The following SLC38A10 variants were observed in gnomAD, a reference collection of about 807,000 sequenced individuals.
SLC38A10 encodes the protein solute carrier family 38 member 10.
Under a neutral mutation model 81.0 loss-of-function variants are expected in SLC38A10, and 53 were observed. That is an observed-to-expected ratio of 0.65 (90% CI 0.53 to 0.82). The LOEUF is 0.82. SLC38A10 is among the 40% of genes least tolerant of loss of function. The pLI, the probability that SLC38A10 is intolerant of heterozygous loss-of-function variation, is 0.00. For synonymous variants in SLC38A10, 665 were observed against 655.3 expected (o/e 1.01, Z -0.23); for missense variants, 1,471 against 1,545.0 (o/e 0.95, Z 0.80).
chr17:81,271,045 G>A (rs772332550), intron 9 of SLC38A10, 21 bp from the exon 10 acceptor site: 5 of 1,594,336 alleles, frequency 3.1e-6, no homozygotes, highest in Non-Finnish European at 4.3e-6. Flanking sequence ...GAAGTGACAG[G>A]AAGGGATGAG....
At chr17:81,284,973 T>C in intron 2 of SLC38A10, 78 bp from the exon 3 acceptor site, 2 of 1,362,010 alleles carry the variant, frequency 1.5e-6, no homozygotes, top group Non-Finnish European at 2.0e-6. Context: ...AGCCAAGCTG[T>C]CAAGGGCGAT....
chr17:81,269,158 A>C (rs902086366), intron 10 of SLC38A10, among the ~76,000 whole-genome samples: 2 of 152,224 alleles, frequency 1.3e-5, no homozygotes, highest in African/African-American at 4.8e-5. Context: ...AAAATAAACA[A>C]ATCTGCAGTT....
Position 81,277,223 on chromosome 17 carries a change from G to T in SLC38A10, c.627-90C>A. 1.8e-6 allele frequency: 2 copies of T among 1,118,262 alleles called. No homozygotes were observed. Among genetic ancestry groups the T allele is most frequent in the Non-Finnish European group, 1.3e-6 (1 of 750,090 alleles). The allele number at this position is 1,118,262 out of a possible 1,614,324, so 69.3% of individuals were successfully genotyped here. On this transcript the variant is annotated intron_variant, in intron 6 of 15. Transcript: ENST00000374759. The surrounding 1 kb of genome is among the most constrained non-coding windows in gnomAD (Gnocchi z 4.5). ...TTCTAGGACCTCTCTGCAGCCCAGT[G>T]AGAGTCTCTGACCTTCCTTCATGCA...
Position 81,289,600 on chromosome 17 carries a change from G to A in SLC38A10, c.217+91C>T. ...AAACCCTGCTATCCAAGGAATTCTTGAAGAATCAAGTAGAGTAAATAAATA... is the reference window on the plus strand; with the variant it reads ...AAACCCTGCTATCCAAGGAATTCTTAAAGAATCAAGTAGAGTAAATAAATA... On this transcript the variant is annotated intron_variant, in intron 2 of 15. Transcript: ENST00000374759. This position sits in a 1 kb window ranked among gnomAD's most constrained non-coding sequence, Gnocchi z 5.9. 2.3e-6 allele frequency: 2 copies of A among 865,548 alleles called. No individual in the cohort carries two copies. The highest frequency in any genetic ancestry group is 3.3e-6 in the Non-Finnish European group (2 of 614,738). The allele number at this position is 865,548 out of a possible 1,614,324, so 53.6% of individuals were successfully genotyped here.
chr17:81,272,996 C>T (rs950493042), intron 8 of SLC38A10, among the ~76,000 whole-genome samples: 9 of 152,190 alleles, frequency 5.9e-5, no homozygotes, highest in African/African-American at 2.4e-5. Context: ...TGCACAGCGC[C>T]GCTCCTGACA....
intron 5 of SLC38A10, 53 bp downstream of exon 5, chr17:81,282,136 G>T: frequency 6.2e-7 from 1 of 1,605,390 alleles, no homozygotes. Flanking sequence ...CCACAGGAAA[G>T]AATGGGCCAG....
chr17:81,260,418 G>A, intron 10 of SLC38A10, 24 bp from the exon 11 acceptor site: 1 of 1,598,552 alleles, frequency 6.3e-7, no homozygotes. Context: ...GACCCCAGGG[G>A]CGGGAGTCAC....
At chr17:81,284,981 G>C in intron 2 of SLC38A10, 86 bp from the exon 3 acceptor site, 1 of 1,267,676 alleles carries the variant, frequency 7.9e-7, no homozygotes, top group Non-Finnish European at 1.1e-6. Context: ...TGTCAAGGGC[G>C]ATTTCACAGA....
Position 81,283,762 on chromosome 17 carries a change from G to C in SLC38A10, c.264-260C>G, listed in dbSNP as rs985814158. ...CCGAGTAGCTGGGAGTAGCCGAGTA[G>C]CCACGCCCGGCTAATTGTTTGTATT... On this transcript the variant is annotated intron_variant, in intron 3 of 15. Transcript: ENST00000374759. The surrounding 1 kb of genome is among the most constrained non-coding windows in gnomAD (Gnocchi z 4.7). Among the ~76,000 whole-genome samples the C allele has an allele frequency of 2.0e-5, 3 of 151,744 alleles. No individual in the cohort carries two copies. The highest frequency in any genetic ancestry group is 4.4e-5 in the Non-Finnish European group (3 of 67,934).
chr17:81,271,225 C>CG (rs2063113065), intron 9 of SLC38A10, among the ~76,000 whole-genome samples: 1 of 152,228 alleles, frequency 6.6e-6, no homozygotes, highest in Non-Finnish European at 1.5e-5. Flanking sequence ...ATTTAGGCCC[C>CG]GGGGTGAATT....
rs1454353567 is a variant in SLC38A10 at position 81,251,624 on chromosome 17, G to A, written c.1946-12C>T. The A allele has an allele frequency of 1.4e-6, 2 of 1,480,220 alleles. No homozygotes were observed. The highest frequency in any genetic ancestry group is 1.4e-5 in the South Asian group (1 of 71,892). The allele number at this position is 1,480,220 out of a possible 1,614,324, so 91.7% of individuals were successfully genotyped here. Reference sequence around the variant, plus strand: ...GGGAGGCTTCCCACCTGCACACACGGTGAAGACTCAGAAGGTTTTGCAGGA... The same window carrying A: ...GGGAGGCTTCCCACCTGCACACACGATGAAGACTCAGAAGGTTTTGCAGGA... On this transcript the variant is annotated splice_polypyrimidine_tract_variant and intron_variant, in intron 13 of 15. Transcript: ENST00000374759.
chr17:81,278,900 C>T (rs1182099539), intron 6 of SLC38A10, among the ~76,000 whole-genome samples: 1 of 152,164 alleles, frequency 6.6e-6, no homozygotes, highest in Non-Finnish European at 1.5e-5. Flanking sequence ...GCCCCAGGCT[C>T]CTCTCCAATC....
chr17:81,284,304 A>T (rs1339128723), intron 3 of SLC38A10, among the ~76,000 whole-genome samples: 1 of 152,154 alleles, frequency 6.6e-6, no homozygotes, highest in Non-Finnish European at 1.5e-5. Context: ...GTGAGCCGAG[A>T]TCACAGCATT....
At position 81,265,684 on chromosome 17, in the gene SLC38A10, G is replaced by A. The variant is rs1033024009; in HGVS notation, c.1131+5234C>T. 8.5e-5 allele frequency among the ~76,000 whole-genome samples: 13 copies of A among 152,192 alleles called. No homozygotes were observed. The highest frequency in any genetic ancestry group is 9.7e-5 in the African/African-American group (4 of 41,450). On this transcript the variant is annotated intron_variant, in intron 10 of 15. Transcript: ENST00000374759. The surrounding 1 kb of genome is among the most constrained non-coding windows in gnomAD (Gnocchi z 4.2). The stretch of plus-strand genomic sequence containing the variant: ...CACAGATCCAGGCCTGTGCCCCTCC[G>A]TGGGCGCAGCCGGAGCCCCTGGGAC...
rs748237342 is a variant in SLC38A10 at position 81,252,339 on chromosome 17, T to G, written c.1801A>C (p.Arg601=). The G allele has an allele frequency of 3.1e-6, 5 of 1,611,978 alleles. No homozygotes were observed. The Admixed American group carries it at 8.3e-5, about 27-fold the overall frequency. The change falls in exon 13 of 16, where the codon AGG becomes CGG. Residue 601 remains arginine, a synonymous_variant. Transcript: ENST00000374759. ...GCCTGGGGCCGAGGATGCAGGCCCC[T>G]GTCTCCTGGCCCCAGGTCCTCCTTT... The part of the protein sequence containing the change: ...PAKEDLGPGD[R]GLHPRPQAVL...
rs779997732 is a variant in SLC38A10 at position 81,245,738 on chromosome 17, C to T, written c.3178G>A (p.Ala1060Thr). ...RRRRRDLGPHAEGQLAPRDGV... is the reference protein window; with the variant it reads ...RRRRRDLGPHTEGQLAPRDGV... Reference sequence around the variant, plus strand: ...TCCCTCGGGGCCAGCTGACCCTCTGCATGAGGGCCAAGGTCCCGCCGTCGC... The same window carrying T: ...TCCCTCGGGGCCAGCTGACCCTCTGTATGAGGGCCAAGGTCCCGCCGTCGC... Residue 1060 changes from alanine (A) to threonine (T), a missense_variant, in exon 16 of 16, where the codon GCA (alanine) becomes ACA (threonine). Coordinates refer to ENST00000374759, the MANE Select transcript of SLC38A10 (RefSeq NM_001037984.3). 1.3e-6 allele frequency: 2 copies of T among 1,596,362 alleles called. No individual in the cohort carries two copies. The highest frequency in any genetic ancestry group is 2.2e-5 in the South Asian group (2 of 90,254).
intron 14 of SLC38A10, among the ~76,000 whole-genome samples, chr17:81,248,262 C>G (rs192613958): frequency 3.3e-5 from 5 of 152,306 alleles, no homozygotes; most frequent in Admixed American, 2.6e-4. Context: ...CGGCCAAAAG[C>G]TGTCTTCTAA....
intron 14 of SLC38A10, among the ~76,000 whole-genome samples, chr17:81,249,463 G>GAGA (rs376489746): frequency 3.3e-3 from 7 of 2,110 alleles, no homozygotes; most frequent in Non-Finnish European, 7.0e-3. Flanking sequence ...GAAGAGGAGG[G>GAGA]AGGAGGGAAG....
Position 81,283,366 on chromosome 17 carries a change from C to T in SLC38A10, c.357+43G>A. 1.3e-6 allele frequency: 2 copies of T among 1,561,688 alleles called. No homozygotes were observed. The highest frequency in any genetic ancestry group is 1.1e-5 in the South Asian group (1 of 88,022). On this transcript the variant is annotated intron_variant, in intron 4 of 15. Coordinates refer to ENST00000374759, the MANE Select transcript of SLC38A10 (RefSeq NM_001037984.3). The surrounding 1 kb of genome is among the most constrained non-coding windows in gnomAD (Gnocchi z 4.7). Reference sequence around the variant, plus strand: ...GATCCCACAGAGGGCCTCAGAGCAGCCGTCAGCATCTGAACAACCCAGAAC... The same window carrying T: ...GATCCCACAGAGGGCCTCAGAGCAGTCGTCAGCATCTGAACAACCCAGAAC...
Sources: gnomAD v4.1 joint callset for allele counts (sites outside exome capture counted in the v4.1 genomes callset) on GRCh38, gnomAD v4.1.1 for gene constraint, Gnocchi (gnomAD v3.1) non-coding constraint, MANE v1.5 for transcripts, NCBI Gene and HGNC (gene_info 2026-07-23, HGNC 2026-07-21) for gene names.